SCAPER: variants seen among roughly 807,000 people sequenced by gnomAD.
SCAPER encodes S phase cyclin A-associated protein in the endoplasmic reticulum.
SCAPER carries 98 observed loss-of-function variants against 182.2 expected under a neutral mutation model. The ratio of observed to expected loss-of-function variants is 0.54; its 90% confidence interval spans 0.46 to 0.64. The LOEUF is 0.64. Ranked by LOEUF, SCAPER falls within the 30% of genes least tolerant of loss-of-function variation. The pLI is 0.00. For missense variants in SCAPER, 1,432 were observed against 1,690.0 expected (o/e 0.85, Z 2.68); for synonymous variants, 605 against 564.6 (o/e 1.07, Z -1.01).
chr15:76,538,852 C>T (rs1450009805), intron 23 of SCAPER, among the ~76,000 whole-genome samples: 5 of 152,206 alleles, frequency 3.3e-5, no homozygotes, highest in Non-Finnish European at 7.4e-5. Context: ...TTGATCTCCA[C>T]GTCAGCCAAA....
intron 25 of SCAPER, among the ~76,000 whole-genome samples, chr15:76,444,765 T>C (rs1187435525): frequency 6.6e-6 from 1 of 152,228 alleles, no homozygotes; most frequent in East Asian, 1.9e-4. Flanking sequence ...TTTCTTGTTA[T>C]GGCTCCATCA....
chr15:76,871,740 G>C (rs1456566161), intron 2 of SCAPER, among the ~76,000 whole-genome samples: 2 of 151,656 alleles, frequency 1.3e-5, no homozygotes, highest in Non-Finnish European at 2.9e-5. Context: ...ACAGGCACAC[G>C]CCACCATGCT....
chr15:76,369,481 G>A (rs527683926), intron 29 of SCAPER, among the ~76,000 whole-genome samples: 3 of 152,210 alleles, frequency 2.0e-5, no homozygotes, highest in African/African-American at 7.2e-5. Flanking sequence ...GCCAATTCTC[G>A]CTTGACAATT....
At chr15:76,504,312 C>T (rs541160969) in intron 24 of SCAPER, among the ~76,000 whole-genome samples, 42 of 152,168 alleles carry the variant, frequency 2.8e-4, no homozygotes, top group African/African-American at 8.7e-4. Flanking sequence ...TGCTGCTATA[C>T]CCCAGGTGGC....
chr15:76,434,542 TAATGAGAGTACCTGTATCATAG>T (rs2047069632), intron 25 of SCAPER, among the ~76,000 whole-genome samples: 2 of 152,202 alleles, frequency 1.3e-5, no homozygotes, highest in South Asian at 4.1e-4. Context: ...AAAACAAGGA[TAATGAGAGTACCTGTATCATAG>T]AATTTTTGTG....
chr15:76,725,862 A>G (rs62028193), intron 17 of SCAPER, among the ~76,000 whole-genome samples: 7,588 of 151,674 alleles, frequency 0.05, 264 homozygotes, highest in Middle Eastern at 0.095. Context: ...AGATCTAAAC[A>G]TAAGACCTAA....
chr15:76,761,866 T>C (rs908635114), intron 14 of SCAPER, among the ~76,000 whole-genome samples: 2 of 152,222 alleles, frequency 1.3e-5, no homozygotes, highest in Non-Finnish European at 1.5e-5. Context: ...TTCTATCCAT[T>C]ATTGAGAGTG....
intron 23 of SCAPER, among the ~76,000 whole-genome samples, chr15:76,511,952 G>A (rs1379752987): frequency 6.7e-6 from 1 of 149,252 alleles, no homozygotes; most frequent in African/African-American, 2.5e-5. Context: ...GCGTGATCTC[G>A]GCTCACTGCA....
chr15:76,769,898 C>T (rs185761287), intron 10 of SCAPER, among the ~76,000 whole-genome samples: 30 of 152,070 alleles, frequency 2.0e-4, no homozygotes, highest in African/African-American at 2.9e-4. Flanking sequence ...TAAAGACACA[C>T]GCACACGTAT....
intron 22 of SCAPER, among the ~76,000 whole-genome samples, chr15:76,599,220 C>T (rs2049733890): frequency 8.2e-6 from 1 of 121,384 alleles, no homozygotes; most frequent in Non-Finnish European, 2.0e-5. Flanking sequence ...AAAAATGCCA[C>T]TACATACCCA....
At chr15:76,714,289 A>G (rs2059761089) in intron 17 of SCAPER, among the ~76,000 whole-genome samples, 2 of 152,222 alleles carry the variant, frequency 1.3e-5, no homozygotes. Context: ...AAACTCATCA[A>G]ATTGTACACT....
chr15:76,842,369 G>GA (rs2069563075), intron 4 of SCAPER, among the ~76,000 whole-genome samples: 1 of 152,142 alleles, frequency 6.6e-6, no homozygotes, highest in African/African-American at 2.4e-5. Context: ...CATGGGGGCA[G>GA]TTTCCCCCAT....
intron 21 of SCAPER, among the ~76,000 whole-genome samples, chr15:76,645,448 T>C (rs533866264): frequency 3.0e-4 from 46 of 152,332 alleles, no homozygotes; most frequent in South Asian, 2.9e-3. Context: ...CATAGACTAC[T>C]TGCATTTTGC....
chr15:76,894,981 T>C (rs1221495750), intron 1 of SCAPER, among the ~76,000 whole-genome samples: 1 of 152,098 alleles, frequency 6.6e-6, no homozygotes, highest in African/African-American at 2.4e-5. Context: ...TACCAATCCT[T>C]CTCAAACTCT....
At chr15:76,861,361 C>A (rs1471493218) in intron 3 of SCAPER, among the ~76,000 whole-genome samples, 1 of 152,208 alleles carries the variant, frequency 6.6e-6, no homozygotes, top group Non-Finnish European at 1.5e-5. Context: ...ACAGTTATCA[C>A]GAACCTCCTC....
intron 20 of SCAPER, among the ~76,000 whole-genome samples, chr15:76,695,596 CAAAAAAAAAAAAGA>C (rs1293546432): frequency 1.8e-5 from 2 of 112,072 alleles, no homozygotes; most frequent in Non-Finnish European, 3.7e-5. Context: ...GACTCCGTCT[CAAAAAAAAAAAAGA>C]AAAAAGAAAA....
chr15:76,517,211 G>T (rs753144823), intron 23 of SCAPER, among the ~76,000 whole-genome samples: 3 of 151,616 alleles, frequency 2.0e-5, no homozygotes, highest in African/African-American at 7.3e-5. Context: ...TAGAGCCCAA[G>T]ATTTTACTAT....
chr15:76,780,018 T>C (rs1035868878), intron 8 of SCAPER, among the ~76,000 whole-genome samples: 14 of 152,160 alleles, frequency 9.2e-5, no homozygotes, highest in Admixed American at 3.9e-4. Context: ...GTTCATCTCA[T>C]TGTGACTGGT....
At chr15:76,756,785 T>G (rs8024807) in intron 14 of SCAPER, among the ~76,000 whole-genome samples, 1,948 of 152,250 alleles carry the variant, frequency 0.013, 36 homozygotes, top group African/African-American at 0.045. Context: ...CTTGCCTCAT[T>G]TAAGCATCAC....
Sources: gnomAD v4.1 joint callset for allele counts (sites outside exome capture counted in the v4.1 genomes callset) on GRCh38, gnomAD v4.1.1 for gene constraint, MANE v1.5 for transcripts, NCBI Gene and HGNC (gene_info 2026-07-23, HGNC 2026-07-21) for gene names.